The following ACAD8 variants were observed in gnomAD, a reference collection of about 807,000 sequenced individuals.
ACAD8 encodes the protein isobutyryl-CoA dehydrogenase, mitochondrial.
Under a neutral mutation model 53.1 loss-of-function variants are expected in ACAD8, and 47 were observed. The observed-to-expected ratio is 0.89, with a 90% CI of 0.70 to 1.13. The LOEUF (loss-of-function observed/expected upper bound fraction) is 1.13. Ranked by LOEUF, ACAD8 falls within the 50% of genes most tolerant of loss-of-function variation. The pLI is 0.00. For missense variants in ACAD8, 494 were observed against 535.0 expected, an observed-to-expected ratio of 0.92 and a Z score of 0.76; for synonymous variants, 198 against 201.3, an observed-to-expected ratio of 0.98 and a Z score of 0.14.
At chr11:134,263,336 C>T in intron 10 of ACAD8, 1 of 991,192 alleles carries the variant, frequency 1.0e-6, no homozygotes, top group Non-Finnish European at 1.2e-6. Context: ...CCTTTCACAG[C>T]ACCCTTCTCA....
intron 1 of ACAD8, among the ~76,000 whole-genome samples, chr11:134,256,162 C>T (rs1386496801): frequency 6.6e-6 from 1 of 152,262 alleles, no homozygotes; most frequent in Non-Finnish European, 1.5e-5. Context: ...CCGCCTCGGC[C>T]TCCTGAAGTG....
intron 4 of ACAD8, 72 bp from the exon 5 acceptor site, chr11:134,258,936 G>C (rs1015578551): frequency 7.8e-7 from 1 of 1,279,512 alleles, no homozygotes; most frequent in African/African-American, 1.5e-5. Flanking sequence ...CTAGAAGATA[G>C]AATTGTGCTG....
chr11:134,260,608 A>G (rs757640048), intron 6 of ACAD8: 24 of 288,918 alleles, frequency 8.3e-5, no homozygotes, highest in South Asian at 1.7e-4. Context: ...GAAGACCTTC[A>G]GTAAAAGGCT....
In ACAD8 at chr11:134,265,077, T is replaced by C. The variant is rs1373856675; in HGVS notation, c.*117T>C. 27 of 1,157,958 alleles carry C rather than the reference T, an allele frequency of 2.3e-5. No homozygotes were observed. Among genetic ancestry groups the C allele is most frequent in the South Asian group, 1.3e-4 (11 of 81,556 alleles). The allele number at this position is 1,157,958 out of a possible 1,614,324, so 71.7% of individuals were successfully genotyped here. A position where few individuals can be genotyped will look rare whatever the true frequency, so the allele number is the denominator to read the frequency against. On this transcript the variant is annotated 3_prime_UTR_variant, in exon 11 of 11. Transcript: ENST00000281182. ...ATTAGACCCAAGGGCTGAGCTCCTCTAGGGCAGGACCTGCACCCTGTGTGT... is the reference window on the plus strand; with the variant it reads ...ATTAGACCCAAGGGCTGAGCTCCTCCAGGGCAGGACCTGCACCCTGTGTGT...
At chr11:134,256,904 A>T in intron 2 of ACAD8, 184 bp from the exon 3 acceptor site, 1 of 695,234 alleles carries the variant, frequency 1.4e-6, no homozygotes, top group Non-Finnish European at 2.4e-6. Flanking sequence ...GAAACTTCTT[A>T]ATGCCAGAAC....
intron 10 of ACAD8, chr11:134,263,627 A>G: frequency 2.0e-6 from 2 of 985,472 alleles, no homozygotes; most frequent in Non-Finnish European, 2.4e-6. Flanking sequence ...CAGTGTTCAA[A>G]CTGAATTCCC....
chr11:134,261,490 T>C lies in ACAD8; in HGVS notation c.939+118T>C. On this transcript the variant is annotated intron_variant, in intron 8 of 10. Coordinates refer to ENST00000281182, the MANE Select transcript of ACAD8 (RefSeq NM_014384.3). The surrounding 1 kb of genome is among the most constrained non-coding windows in gnomAD (Gnocchi z 4.2). The stretch of plus-strand genomic sequence containing the variant: ...TCCTCTGTCAGTCCCACCACTGTCC[T>C]AGCCAGAGCTTGTGCTTTATTTCTG... 1 of 1,499,426 alleles carries C rather than the reference T, an allele frequency of 6.7e-7. No individual in the cohort carries two copies. The highest frequency in any genetic ancestry group is 1.4e-5 in the African/African-American group (1 of 72,812). 92.9% of individuals were successfully genotyped at this position (1,499,426 alleles called of 1,614,324 possible). A position where few individuals can be genotyped will look rare whatever the true frequency, so the allele number is the denominator to read the frequency against.
intron 10 of ACAD8, 130 bp downstream of exon 10, chr11:134,262,752 C>T (rs889861872): frequency 9.3e-6 from 14 of 1,509,990 alleles, no homozygotes; most frequent in African/African-American, 1.4e-5. Context: ...AGGCTTCCTC[C>T]TCCCTCCCGT....
chr11:134,257,298 C>T (rs760627513), intron 3 of ACAD8, 41 bp downstream of exon 3: 29 of 1,606,520 alleles, frequency 1.8e-5, no homozygotes, highest in Middle Eastern at 1.7e-4. Flanking sequence ...AGTGCTCACT[C>T]GGGCTGACTG....
Position 134,261,188 on chromosome 11 carries a change from C to T in ACAD8, c.841+9C>T, listed in dbSNP as rs777635296. 62 of 1,613,578 alleles carry T rather than the reference C, an allele frequency of 3.8e-5. No homozygotes were observed. Among genetic ancestry groups the T allele is most frequent in the East Asian group, 6.7e-5 (3 of 44,894 alleles). ...AGGGAGGATCAATATTGGTGAGATA[C>T]GCAGGGGTGTGGCAGGGAGGTAGCG... On this transcript the variant is annotated intron_variant, in intron 7 of 10. Coordinates refer to ENST00000281182, the MANE Select transcript of ACAD8 (RefSeq NM_014384.3). The surrounding 1 kb of genome is among the most constrained non-coding windows in gnomAD (Gnocchi z 4.2).
At position 134,262,819 on chromosome 11, in the gene ACAD8, CG is replaced by C. The variant is rs1163755743; in HGVS notation, c.1195+203del. 2.0e-6 allele frequency: 3 copies of C among 1,466,450 alleles called. No individual in the cohort carries two copies. The South Asian group carries it at 3.6e-5, about 18-fold the overall frequency. The allele number at this position is 1,466,450 out of a possible 1,614,324, so 90.8% of individuals were successfully genotyped here. A position where few individuals can be genotyped will look rare whatever the true frequency, so the allele number is the denominator to read the frequency against. On this transcript the variant is annotated intron_variant, in intron 10 of 10. Transcript: ENST00000281182. Reference sequence around the variant, plus strand: ...TCCAGAGCCGCAGCTTCGTCCCTTTCGGGGGGCCTCAGATCGCTCTGCTGCT... The same window carrying C: ...TCCAGAGCCGCAGCTTCGTCCCTTTCGGGGGCCTCAGATCGCTCTGCTGCT...
rs1196646886 is a variant in ACAD8, at chr11:134,261,008, T to C, written c.706-36T>C. On this transcript the variant is annotated intron_variant, in intron 6 of 10. Coordinates refer to ENST00000281182, the MANE Select transcript of ACAD8 (RefSeq NM_014384.3). This position sits in a 1 kb window ranked among gnomAD's most constrained non-coding sequence, Gnocchi z 4.2. ...AGGGAAGGCCGCCCTACCTGCTGGA[T>C]TGTTGGGCAACCACGCAGTCCCTGA... 6.2e-7 allele frequency: 1 copy of C among 1,608,550 alleles called. No homozygotes were observed. Among genetic ancestry groups the C allele is most frequent in the Admixed American group, 1.7e-5 (1 of 59,380 alleles).
chr11:134,258,864 C>T, intron 4 of ACAD8, 144 bp from the exon 5 acceptor site: 1 of 810,754 alleles, frequency 1.2e-6, no homozygotes, highest in South Asian at 1.4e-5. Context: ...ACAGAGAGTT[C>T]CTTTGGCCAC....
chr11:134,261,291 G>A lies in ACAD8; in HGVS notation c.858G>A (p.Gly286=). The A allele has an allele frequency of 1.9e-6, 3 of 1,614,136 alleles. No homozygotes were observed. The highest frequency in any genetic ancestry group is 2.5e-6 in the Non-Finnish European group (3 of 1,180,028). Residue 286 remains glycine (G), a synonymous_variant, in exon 8 of 11, where the codon GGG becomes GGA. Coordinates refer to ENST00000281182, the MANE Select transcript of ACAD8 (RefSeq NM_014384.3). The surrounding 1 kb of genome is among the most constrained non-coding windows in gnomAD (Gnocchi z 4.2). ...CCCCTCTAGCTTCCTGCTCCCTGGG[G>A]GCTGCCCACGCCTCTGTCATCCTCA... ...GRINIASCSL[G]AAHASVILTR...
At chr11:134,264,665 T>G (rs1353475227) in intron 10 of ACAD8, among the ~76,000 whole-genome samples, 1 of 152,226 alleles carries the variant, frequency 6.6e-6, no homozygotes, top group Non-Finnish European at 1.5e-5. Context: ...TATTCTGCCT[T>G]TTTAAACTTT....
At chr11:134,256,880 A>G (rs1012277066) in intron 2 of ACAD8, 7 of 666,654 alleles carry the variant, frequency 1.1e-5, no homozygotes, top group African/African-American at 5.5e-5. Flanking sequence ...AGGCAGTTCT[A>G]TAGATAATAA....
At chr11:134,263,032 G>A (rs577448975) in intron 10 of ACAD8, 7 of 1,182,442 alleles carry the variant, frequency 5.9e-6, no homozygotes, top group Non-Finnish European at 2.1e-6. Flanking sequence ...TTGATTATCA[G>A]CCAGATGGCC....
intron 10 of ACAD8, among the ~76,000 whole-genome samples, chr11:134,264,488 A>G (rs1940078626): frequency 6.6e-6 from 1 of 152,136 alleles, no homozygotes; most frequent in Non-Finnish European, 1.5e-5. Flanking sequence ...ACTGCACTCC[A>G]GCCTGGGCGA....
intron 10 of ACAD8, chr11:134,262,841 C>G (rs1414771814): frequency 1.4e-6 from 2 of 1,437,148 alleles, no homozygotes; most frequent in East Asian, 6.3e-5. Flanking sequence ...GATCGCTCTG[C>G]TGCTGCCCTT....
Sources: allele counts gnomAD v4.1 joint callset (sites outside exome capture counted in the v4.1 genomes callset), GRCh38; gene constraint gnomAD v4.1.1; non-coding constraint Gnocchi (gnomAD v3.1); transcripts MANE v1.5; gene names NCBI Gene and HGNC (gene_info 2026-07-23, HGNC 2026-07-21).